SLTM: variants seen among roughly 807,000 people sequenced by gnomAD.
SLTM encodes SAFB-like transcription modulator.
SLTM carries 43 observed loss-of-function variants against 134.6 expected under a neutral mutation model. That is an observed-to-expected ratio of 0.32 (90% CI 0.25 to 0.41). The LOEUF (loss-of-function observed/expected upper bound fraction) is 0.41, where lower values mean the gene tolerates loss of function less well. Ranked by LOEUF, SLTM falls within the 10% of genes least tolerant of loss-of-function variation. The pLI is 1.00. For missense variants in SLTM, 1,055 were observed against 1,288.8 expected (o/e 0.82, Z 2.78); for synonymous variants, 424 against 432.3 (o/e 0.98, Z 0.24).
intron 2 of SLTM, among the ~76,000 whole-genome samples, chr15:58,921,768 C>CTTCTTTTT (rs552585801): frequency 1.1e-4 from 16 of 151,986 alleles, no homozygotes; most frequent in African/African-American, 3.6e-4. Flanking sequence ...ATATTGTTAA[C>CTTCTTTTT]TTCTTTTTTT....
In SLTM at chr15:58,893,305, G is replaced by A. The variant is rs2034812080; in HGVS notation, c.1708C>T (p.Pro570Ser). The A allele has an allele frequency of 1.2e-6, 2 of 1,611,244 alleles. No homozygotes were observed. Among genetic ancestry groups the A allele is most frequent in the Admixed American group, 1.7e-5 (1 of 59,874 alleles). The change falls in exon 13 of 21, where the codon CCA becomes TCA. Residue 570 changes from proline (P) to serine (S), a missense_variant. Pro to Ser is a moderately conservative substitution (Grantham distance 74, BLOSUM62 -1). This residue lies in a region of SLTM where 776 missense variants were observed against 962.2 expected (regional missense o/e 0.81). Coordinates refer to ENST00000380516, the MANE Select transcript of SLTM (RefSeq NM_024755.4). ...TTCTCATATCTTCCTCTTCTTGATGGTCTACAATGATCTCCTTTAGTTTGG... is the reference window on the plus strand; with the variant it reads ...TTCTCATATCTTCCTCTTCTTGATGATCTACAATGATCTCCTTTAGTTTGG... ...LDQTKGDHCRPSRRGRYEKIH... is the reference protein window; with the variant it reads ...LDQTKGDHCRSSRRGRYEKIH...
In SLTM at chr15:58,879,233, A is replaced by AG. The variant is rs1356611669; in HGVS notation, c.*765_*766insC. On this transcript the variant is annotated 3_prime_UTR_variant, in exon 21 of 21. Transcript: ENST00000380516. ...CAGAGATGGAATTTATCCATCAAACAAACAGTGCAGATTACCTAAAAGTGC... is the reference window on the plus strand; with the variant it reads ...CAGAGATGGAATTTATCCATCAAACAGAACAGTGCAGATTACCTAAAAGTGC... The AG allele has an allele frequency of 6.6e-6, 1 of 152,230 alleles. No individual in the cohort carries two copies. Among genetic ancestry groups the AG allele is most frequent in the East Asian group, 1.9e-4 (1 of 5,202 alleles). The allele number at this position is 152,230 out of a possible 1,614,324, so 9.4% of individuals were successfully genotyped here. A position where few individuals can be genotyped will look rare whatever the true frequency, so the allele number is the denominator to read the frequency against.
chr15:58,911,763 C>T (rs569940722), intron 5 of SLTM, among the ~76,000 whole-genome samples: 21 of 152,078 alleles, frequency 1.4e-4, no homozygotes, highest in Non-Finnish European at 2.6e-4. Flanking sequence ...AGCAGCAACA[C>T]GTTGTTACAC....
In SLTM at chr15:58,888,626, A is replaced by G. The variant is rs2034416792; in HGVS notation, c.2205-71T>C. The G allele has an allele frequency of 2.0e-6, 3 of 1,469,166 alleles. No homozygotes were observed. The Admixed American group carries it at 5.3e-5, about 26-fold the overall frequency. The allele number at this position is 1,469,166 out of a possible 1,614,324, so 91.0% of individuals were successfully genotyped here. On this transcript the variant is annotated intron_variant, in intron 16 of 20. Coordinates refer to ENST00000380516, the MANE Select transcript of SLTM (RefSeq NM_024755.4). ...AATCAAACGACATTTACTTGGAGTCATACATACCACATGTTAGAACTGTGG... is the reference window on the plus strand; with the variant it reads ...AATCAAACGACATTTACTTGGAGTCGTACATACCACATGTTAGAACTGTGG...
chr15:58,902,809 C>T (rs369167048), intron 5 of SLTM, among the ~76,000 whole-genome samples: 11 of 151,750 alleles, frequency 7.2e-5, no homozygotes, highest in East Asian at 1.9e-4. Flanking sequence ...CTGCAACCTC[C>T]GCCTCCTGTG....
At chr15:58,929,221 C>A (rs1013672970) in intron 2 of SLTM, among the ~76,000 whole-genome samples, 1 of 152,062 alleles carries the variant, frequency 6.6e-6, no homozygotes, top group Non-Finnish European at 1.5e-5. Flanking sequence ...GAGGCCGAGG[C>A]GGGAGGATTA....
intron 6 of SLTM, chr15:58,901,038 C>T: frequency 2.1e-6 from 1 of 486,910 alleles, no homozygotes; most frequent in East Asian, 3.9e-5. Context: ...TTGTTCACTA[C>T]AGTAACTGAT....
intron 2 of SLTM, among the ~76,000 whole-genome samples, chr15:58,931,257 T>C (rs2141261369): frequency 6.6e-6 from 1 of 152,150 alleles, no homozygotes; most frequent in Admixed American, 6.6e-5. Context: ...CATCCCCACC[T>C]CTCCCAGGGA....
At position 58,892,892 on chromosome 15, in the gene SLTM, C is replaced by A. The variant is rs1459074077; in HGVS notation, c.1898+5G>T. On this transcript the variant is annotated splice_donor_5th_base_variant and intron_variant, in intron 14 of 20. Coordinates refer to ENST00000380516, the MANE Select transcript of SLTM (RefSeq NM_024755.4). ...AGACAGGTATAAAACAGACTCTCTTCCTACCTTCGAAGTTCCATTGCTCGT... is the reference window on the plus strand; with the variant it reads ...AGACAGGTATAAAACAGACTCTCTTACTACCTTCGAAGTTCCATTGCTCGT... The A allele has an allele frequency of 6.2e-7, 1 of 1,612,440 alleles. No individual in the cohort carries two copies. Among genetic ancestry groups the A allele is most frequent in the Non-Finnish European group, 8.5e-7 (1 of 1,179,450 alleles).
Position 58,899,305 on chromosome 15 carries a change from T to C in SLTM, c.1058+164A>G, listed in dbSNP as rs1595869930. 2 of 611,744 alleles carry C rather than the reference T, an allele frequency of 3.3e-6. No individual in the cohort carries two copies. Among genetic ancestry groups the C allele is most frequent in the African/African-American group, 1.8e-5 (1 of 54,180 alleles). 37.9% of individuals were successfully genotyped at this position (611,744 alleles called of 1,614,324 possible). On this transcript the variant is annotated intron_variant, in intron 7 of 20. Coordinates refer to ENST00000380516, the MANE Select transcript of SLTM (RefSeq NM_024755.4). This position sits in a 1 kb window ranked among gnomAD's most constrained non-coding sequence, Gnocchi z 5.0. ...AGAACACACTGCATTATTATGAAGA[T>C]CTTGAAAATTTTTAAAAGTAACTTA...
chr15:58,886,261 GTGTGTA>G (rs1220246654), intron 19 of SLTM, among the ~76,000 whole-genome samples: 4 of 106,210 alleles, frequency 3.8e-5, no homozygotes, highest in Non-Finnish European at 7.6e-5. Flanking sequence ...GTGTGTGTGT[GTGTGTA>G]TTTTTTTTTT....
intron 5 of SLTM, among the ~76,000 whole-genome samples, chr15:58,903,850 A>G (rs2035672846): frequency 6.6e-6 from 1 of 152,242 alleles, no homozygotes; most frequent in African/African-American, 2.4e-5. Flanking sequence ...ATGGAAATGT[A>G]CGTAGAACTG....
At position 58,879,377 on chromosome 15, in the gene SLTM, G is replaced by C. The variant is rs914712581; in HGVS notation, c.*622C>G. Reference sequence around the variant, plus strand: ...AACAAGTGTGCTGCTACACTAAACTGAAAATCGGTTCTCATTTTACAATTA... The same window carrying C: ...AACAAGTGTGCTGCTACACTAAACTCAAAATCGGTTCTCATTTTACAATTA... On this transcript the variant is annotated 3_prime_UTR_variant, in exon 21 of 21. Transcript: ENST00000380516. The C allele has an allele frequency of 7.2e-5, 11 of 152,470 alleles. No individual in the cohort carries two copies. Among genetic ancestry groups the C allele is most frequent in the Non-Finnish European group, 1.5e-4 (10 of 68,026 alleles). The allele number at this position is 152,470 out of a possible 1,614,324, so 9.4% of individuals were successfully genotyped here.
At chr15:58,906,737 T>G (rs1336839403) in intron 5 of SLTM, among the ~76,000 whole-genome samples, 1 of 152,210 alleles carries the variant, frequency 6.6e-6, no homozygotes, top group African/African-American at 2.4e-5. Context: ...ACAAAATGCT[T>G]GGCACATAAG....
At chr15:58,891,616 GT>G (rs1235096679) in intron 14 of SLTM, among the ~76,000 whole-genome samples, 5 of 152,034 alleles carry the variant, frequency 3.3e-5, no homozygotes, top group African/African-American at 1.2e-4. Flanking sequence ...GACATACAAC[GT>G]CAGTCTGTAT....
At chr15:58,924,461 T>A (rs2037322251) in intron 2 of SLTM, among the ~76,000 whole-genome samples, 1 of 152,222 alleles carries the variant, frequency 6.6e-6, no homozygotes, top group African/African-American at 2.4e-5. Flanking sequence ...GAGTAAAACG[T>A]TGCATATACT....
chr15:58,893,355 C>G lies in SLTM; in HGVS notation c.1658G>C (p.Ser553Thr). Residue 553 changes from serine to threonine, a missense_variant, in exon 13 of 21, where the codon AGT becomes ACT. By Grantham distance (58) the Ser-to-Thr change is moderately conservative. Around this residue, in one of 3 missense-constraint regions of SLTM, gnomAD observed 776 missense variants for 962.2 expected, o/e 0.81. Coordinates refer to ENST00000380516, the MANE Select transcript of SLTM (RefSeq NM_024755.4). ...GTCTAGTATTACCATATGTCCTGGA[C>G]TCTTGGAACCTAAGGGAAAAAAATT... is the stretch of plus-strand genomic sequence containing the variant. ...SEEKKRISSK[S>T]PGHMVILDQT... The G allele has an allele frequency of 6.3e-7, 1 of 1,597,154 alleles. No homozygotes were observed. The highest frequency in any genetic ancestry group is 8.5e-7 in the Non-Finnish European group (1 of 1,174,964).
At chr15:58,930,147 C>T (rs1435363216) in intron 2 of SLTM, among the ~76,000 whole-genome samples, 1 of 151,870 alleles carries the variant, frequency 6.6e-6, no homozygotes, top group African/African-American at 2.4e-5. Context: ...GATGGGGTCT[C>T]ATGCTGGACT....
At chr15:58,923,403 A>G (rs1208929034) in intron 2 of SLTM, among the ~76,000 whole-genome samples, 1 of 152,118 alleles carries the variant, frequency 6.6e-6, no homozygotes, top group East Asian at 1.9e-4. Context: ...AAAACAAGAA[A>G]ACAAGGTCTG....
Sources: allele counts gnomAD v4.1 joint callset (sites outside exome capture counted in the v4.1 genomes callset), GRCh38; gene constraint gnomAD v4.1.1; regional missense constraint gnomAD v4.1.1; non-coding constraint Gnocchi (gnomAD v3.1); transcripts MANE v1.5; gene names NCBI Gene and HGNC (gene_info 2026-07-23, HGNC 2026-07-21).